Variants in MEGF9 observed in about 807,000 individuals in gnomAD.
MEGF9 encodes multiple EGF like domains 9.
In MEGF9, 6 loss-of-function variants were observed where a neutral mutation model predicts 46.8. The ratio of observed to expected loss-of-function variants is 0.13; its 90% confidence interval spans 0.07 to 0.25. MEGF9 has a LOEUF of 0.25. MEGF9 is among the 10% of genes least tolerant of loss of function. The pLI, the probability that MEGF9 is intolerant of heterozygous loss-of-function variation, is 1.00. For synonymous variants in MEGF9, 302 were observed against 330.7 expected, an observed-to-expected ratio of 0.91 and a Z score of 0.94; for missense variants, 683 against 792.4, an observed-to-expected ratio of 0.86 and a Z score of 1.66.
intron 1 of MEGF9, among the ~76,000 whole-genome samples, chr9:120,687,497 T>C (rs2043827783): frequency 6.6e-6 from 1 of 152,094 alleles, no homozygotes; most frequent in Non-Finnish European, 1.5e-5. Context: ...GCTCAAATGA[T>C]TATCAATAAG....
chr9:120,701,123 A>C, intron 1 of MEGF9, among the ~76,000 whole-genome samples: 1 of 151,202 alleles, frequency 6.6e-6, no homozygotes, highest in African/African-American at 2.4e-5. Context: ...TGTCTCAAAA[A>C]AAAGAAAAAA....
chr9:120,652,166 AC>A (rs1564420770), intron 2 of MEGF9, among the ~76,000 whole-genome samples: 7 of 41,100 alleles, frequency 1.7e-4, no homozygotes, highest in South Asian at 1.2e-3. Context: ...ACACACACAC[AC>A]ACACACACAC....
intron 2 of MEGF9, among the ~76,000 whole-genome samples, chr9:120,654,788 G>C (rs1205842553): frequency 6.6e-6 from 1 of 152,096 alleles, no homozygotes; most frequent in African/African-American, 2.4e-5. Context: ...CCTTCTAGTG[G>C]GATGAAATGT....
chr9:120,672,963 C>T (rs554124154), intron 1 of MEGF9, among the ~76,000 whole-genome samples: 1 of 152,030 alleles, frequency 6.6e-6, no homozygotes, highest in Admixed American at 6.5e-5. Context: ...GCAGAGGTTG[C>T]GGTGAACCGA....
At chr9:120,606,403 G>T (rs2043420650) in intron 5 of MEGF9, among the ~76,000 whole-genome samples, 1 of 152,162 alleles carries the variant, frequency 6.6e-6, no homozygotes, top group African/African-American at 2.4e-5. Context: ...TGCAAAGGAG[G>T]TGTAGGGAAA....
intron 1 of MEGF9, among the ~76,000 whole-genome samples, chr9:120,709,682 A>G (rs1240569856): frequency 6.6e-6 from 1 of 152,220 alleles, no homozygotes; most frequent in Non-Finnish European, 1.5e-5. Context: ...ATATTTCTTC[A>G]AATGTAGAGC....
intron 1 of MEGF9, among the ~76,000 whole-genome samples, chr9:120,661,292 T>C (rs568321137): frequency 1.3e-5 from 2 of 152,160 alleles, no homozygotes; most frequent in African/African-American, 4.8e-5. Context: ...GGTGGGCAGA[T>C]CACTTGAGCT....
chr9:120,626,301 C>T (rs542727066), intron 2 of MEGF9, among the ~76,000 whole-genome samples: 15 of 152,282 alleles, frequency 9.9e-5, no homozygotes, highest in South Asian at 4.1e-4. Context: ...TGTGGAGCTA[C>T]GCTGCATTAA....
chr9:120,679,625 TA>T (rs1461173522), intron 1 of MEGF9, among the ~76,000 whole-genome samples: 2 of 150,414 alleles, frequency 1.3e-5, no homozygotes, highest in South Asian at 2.1e-4. Context: ...AAGTATAATT[TA>T]AAAAAAAAGA....
At chr9:120,619,368 A>G (rs1398681984) in intron 3 of MEGF9, among the ~76,000 whole-genome samples, 7 of 152,148 alleles carry the variant, frequency 4.6e-5, no homozygotes, top group Non-Finnish European at 5.9e-5. Context: ...AAACAAAACA[A>G]AACATTTTAT....
At position 120,673,086 on chromosome 9, in the gene MEGF9, A is replaced by G. The variant is rs866824472; in HGVS notation, c.602-13511T>C. On this transcript the variant is annotated intron_variant, in intron 1 of 5. Coordinates refer to ENST00000373930, the MANE Select transcript of MEGF9 (RefSeq NM_001080497.3). The stretch of plus-strand genomic sequence containing the variant: ...ACAAACAAAAATCAACTGTATTTCT[A>G]TGTGTTATGAATGAACAGATGGAAT... 5.9e-5 allele frequency among the ~76,000 whole-genome samples: 9 copies of G among 152,376 alleles called. No individual in the cohort carries two copies. In the Middle Eastern group the frequency reaches 0.01, roughly 173 times the overall value.
chr9:120,704,878 C>T (rs541056825), intron 1 of MEGF9, among the ~76,000 whole-genome samples: 2 of 152,184 alleles, frequency 1.3e-5, no homozygotes, highest in African/African-American at 4.8e-5. Context: ...TGTTTCTTAA[C>T]GAAATTAATT....
chr9:120,672,387 G>GTT (rs2043753359), intron 1 of MEGF9, among the ~76,000 whole-genome samples: 1 of 151,856 alleles, frequency 6.6e-6, no homozygotes, highest in Non-Finnish European at 1.5e-5. Context: ...GAATCCAGGA[G>GTT]TTCAAGACCA....
chr9:120,708,127 G>A (rs2043936905), intron 1 of MEGF9, among the ~76,000 whole-genome samples: 1 of 152,150 alleles, frequency 6.6e-6, no homozygotes. Flanking sequence ...GGAGGCCGAG[G>A]TGGGCGGATT....
intron 2 of MEGF9, among the ~76,000 whole-genome samples, chr9:120,649,048 A>T (rs2043637957): frequency 6.6e-6 from 1 of 152,228 alleles, no homozygotes; most frequent in South Asian, 2.1e-4. Flanking sequence ...CAGTATTTGC[A>T]TATGCACGTC....
At chr9:120,677,375 C>T (rs927719398) in intron 1 of MEGF9, among the ~76,000 whole-genome samples, 14 of 152,080 alleles carry the variant, frequency 9.2e-5, no homozygotes, top group Non-Finnish European at 1.5e-5. Flanking sequence ...TCAAGCAATC[C>T]GCCCACCTCA....
intron 1 of MEGF9, among the ~76,000 whole-genome samples, chr9:120,701,872 G>T (rs1021071798): frequency 6.6e-6 from 1 of 151,888 alleles, no homozygotes; most frequent in Non-Finnish European, 1.5e-5. Flanking sequence ...CTGAAACCCC[G>T]TCTCTACTAA....
At chr9:120,697,362 C>A (rs2043882275) in intron 1 of MEGF9, among the ~76,000 whole-genome samples, 1 of 152,072 alleles carries the variant, frequency 6.6e-6, no homozygotes, top group African/African-American at 2.4e-5. Context: ...GGATTACAGG[C>A]GTGAGCTACC....
chr9:120,636,746 C>G (rs1587980132), intron 2 of MEGF9, among the ~76,000 whole-genome samples: 1 of 152,056 alleles, frequency 6.6e-6, no homozygotes, highest in East Asian at 1.9e-4. Context: ...CTGAGGAGCG[C>G]CTCCGCCCGG....
Sources: gnomAD v4.1 joint callset for allele counts (sites outside exome capture counted in the v4.1 genomes callset) on GRCh38, gnomAD v4.1.1 for gene constraint, MANE v1.5 for transcripts, NCBI Gene and HGNC (gene_info 2026-07-23, HGNC 2026-07-21) for gene names.